ABCC4: variants seen among roughly 807,000 people sequenced by gnomAD.
ABCC4 encodes the protein ATP-binding cassette sub-family C member 4.
A neutral mutation model predicts 168.5 loss-of-function variants in ABCC4; 102 were observed. The ratio of observed to expected loss-of-function variants is 0.61; its 90% confidence interval spans 0.52 to 0.71. The LOEUF is 0.71. Ranked by LOEUF, ABCC4 falls within the 30% of genes least tolerant of loss-of-function variation. ABCC4 has a pLI of 0.00. For missense variants in ABCC4, 1,402 were observed against 1,605.8 expected, an observed-to-expected ratio of 0.87 and a Z score of 2.17; for synonymous variants, 617 against 590.7, an observed-to-expected ratio of 1.04 and a Z score of -0.65.
intron 26 of ABCC4, among the ~76,000 whole-genome samples, chr13:95,056,317 C>G (rs770367189): frequency 6.6e-6 from 1 of 152,332 alleles, no homozygotes; most frequent in East Asian, 1.9e-4. Context: ...CTCCCTGTGT[C>G]AAGAATCAGG....
At chr13:95,184,296 G>A (rs1169904132) in intron 11 of ABCC4, among the ~76,000 whole-genome samples, 1 of 152,212 alleles carries the variant, frequency 6.6e-6, no homozygotes, top group Admixed American at 6.5e-5. Context: ...CTGGGACCTG[G>A]AGTCTCATGT....
At chr13:95,264,390 C>T (rs575380047) in intron 1 of ABCC4, among the ~76,000 whole-genome samples, 6 of 152,136 alleles carry the variant, frequency 3.9e-5, no homozygotes, top group Non-Finnish European at 4.4e-5. Flanking sequence ...AAAACACTTA[C>T]CTAAAAGCAT....
At chr13:95,265,182 C>T (rs1252244295) in intron 1 of ABCC4, among the ~76,000 whole-genome samples, 1 of 152,008 alleles carries the variant, frequency 6.6e-6, no homozygotes, top group Non-Finnish European at 1.5e-5. Flanking sequence ...AATCCACTTT[C>T]AAGTAGTTCA....
intron 13 of ABCC4, among the ~76,000 whole-genome samples, chr13:95,172,287 G>A (rs2037503168): frequency 6.6e-6 from 1 of 152,128 alleles, no homozygotes; most frequent in Non-Finnish European, 1.5e-5. Context: ...CCTACATAAA[G>A]ACTACATTAA....
intron 13 of ABCC4, among the ~76,000 whole-genome samples, chr13:95,176,767 G>C (rs2037718410): frequency 6.6e-6 from 1 of 152,224 alleles, no homozygotes; most frequent in Non-Finnish European, 1.5e-5. Flanking sequence ...GTTACAATGA[G>C]TGGGAAAGGC....
chr13:95,150,032 A>G (rs764791143), intron 19 of ABCC4, among the ~76,000 whole-genome samples: 5 of 152,148 alleles, frequency 3.3e-5, no homozygotes, highest in African/African-American at 4.8e-5. Flanking sequence ...GGGGGGCAAT[A>G]CAGTAATCAT....
chr13:95,072,658 C>T (rs1167973493), intron 24 of ABCC4, among the ~76,000 whole-genome samples: 5 of 152,184 alleles, frequency 3.3e-5, no homozygotes, highest in Non-Finnish European at 5.9e-5. Context: ...TTGATTAAAG[C>T]CTCCTATACC....
intron 30 of ABCC4, among the ~76,000 whole-genome samples, chr13:95,029,199 TATATATATATATATAG>T (rs2031710560): frequency 1.4e-5 from 1 of 72,416 alleles, no homozygotes; most frequent in African/African-American, 5.8e-5. Flanking sequence ...TATATATATA[TATATATATATATATAG>T]AGAGAGAGAG....
chr13:95,133,119 T>TTTC (rs2036029388), intron 19 of ABCC4, among the ~76,000 whole-genome samples: 1 of 147,586 alleles, frequency 6.8e-6, no homozygotes, highest in Admixed American at 6.8e-5. Flanking sequence ...TTTTTTTTTT[T>TTTC]TTTTTTTTTT....
chr13:95,283,315 G>T (rs2041174976), intron 1 of ABCC4, among the ~76,000 whole-genome samples: 1 of 150,800 alleles, frequency 6.6e-6, no homozygotes, highest in African/African-American at 2.4e-5. Flanking sequence ...AACACAGGCT[G>T]CTGCTGATGC....
At position 95,284,464 on chromosome 13, in the gene ABCC4, T is replaced by C. The variant is rs142999067; in HGVS notation, c.74+16777A>G. On this transcript the variant is annotated intron_variant, in intron 1 of 30. Transcript: ENST00000645237. ...TCAGCCTCCCAAAGTGCTGGGATTA[T>C]AGGCATGAGCCACCTTGCCCAGCCA... 3.9e-3 allele frequency among the ~76,000 whole-genome samples: 593 copies of C among 151,930 alleles called. 3 individuals carry two copies. The highest frequency in any genetic ancestry group is 5.5e-3 in the Non-Finnish European group (373 of 67,874).
chr13:95,144,251 A>T (rs1041176411), intron 19 of ABCC4, among the ~76,000 whole-genome samples: 3 of 152,194 alleles, frequency 2.0e-5, no homozygotes, highest in African/African-American at 7.2e-5. Flanking sequence ...AAGCATGATG[A>T]TAACATAAAA....
At chr13:95,164,157 C>G (rs1178056333) in intron 16 of ABCC4, among the ~76,000 whole-genome samples, 1 of 151,832 alleles carries the variant, frequency 6.6e-6, no homozygotes, top group African/African-American at 2.4e-5. Flanking sequence ...ATCAAGGGTT[C>G]AAGAAAATGC....
At chr13:95,066,435 T>C (rs911242518) in intron 25 of ABCC4, among the ~76,000 whole-genome samples, 6 of 152,224 alleles carry the variant, frequency 3.9e-5, no homozygotes, top group Non-Finnish European at 7.3e-5. Flanking sequence ...AGGGCCTATA[T>C]TGGAATTAGC....
intron 1 of ABCC4, among the ~76,000 whole-genome samples, chr13:95,270,398 C>T (rs114043178): frequency 7.2e-4 from 109 of 151,048 alleles, no homozygotes; most frequent in African/African-American, 2.6e-3. Context: ...AAAAGGTGGG[C>T]GTAATAGTGA....
intron 14 of ABCC4, among the ~76,000 whole-genome samples, chr13:95,167,485 T>C (rs918498038): frequency 1.3e-5 from 2 of 152,022 alleles, no homozygotes; most frequent in Non-Finnish European, 2.9e-5. Flanking sequence ...GCCAGGACCC[T>C]CCCTGCTACC....
intron 19 of ABCC4, among the ~76,000 whole-genome samples, chr13:95,145,396 C>T (rs958720264): frequency 6.6e-6 from 1 of 151,054 alleles, no homozygotes. Context: ...GCAGGCAGAT[C>T]ACTTGAGCCC....
At chr13:95,245,537 G>T (rs1488380139) in intron 3 of ABCC4, among the ~76,000 whole-genome samples, 1 of 152,186 alleles carries the variant, frequency 6.6e-6, no homozygotes, top group Non-Finnish European at 1.5e-5. Context: ...GGTTGAAGAG[G>T]GGCTGGGAGA....
intron 30 of ABCC4, among the ~76,000 whole-genome samples, chr13:95,024,484 G>GT (rs1266727598): frequency 3.9e-5 from 6 of 152,144 alleles, no homozygotes; most frequent in African/African-American, 1.4e-4. Context: ...TAAAGCCACC[G>GT]TAACAGAGCT....
Sources: allele counts gnomAD v4.1 joint callset (sites outside exome capture counted in the v4.1 genomes callset), GRCh38; gene constraint gnomAD v4.1.1; transcripts MANE v1.5; gene names NCBI Gene and HGNC (gene_info 2026-07-23, HGNC 2026-07-21).